The following FHIT variants were observed in gnomAD, a reference collection of about 807,000 sequenced individuals.
The protein encoded by FHIT is fragile histidine triad diadenosine triphosphatase, also known as bis(5'-adenosyl)-triphosphatase.
Under a neutral mutation model 17.9 loss-of-function variants are expected in FHIT, and 19 were observed. That is an observed-to-expected ratio of 1.06 (90% CI 0.74 to 1.56). The LOEUF (loss-of-function observed/expected upper bound fraction) is 1.56. Among genes scored for constraint, FHIT ranks in the 40% most tolerant of loss-of-function variants. The pLI, the probability that FHIT is intolerant of heterozygous loss-of-function variation, is 0.00. For synonymous variants in FHIT, 81 were observed against 69.7 expected, an observed-to-expected ratio of 1.16 and a Z score of -0.81; for missense variants, 248 against 189.2, an observed-to-expected ratio of 1.31 and a Z score of -1.82.
chr3:60,128,665 C>T (rs1214398332), intron 5 of FHIT, among the ~76,000 whole-genome samples: 1 of 152,200 alleles, frequency 6.6e-6, no homozygotes, highest in Non-Finnish European at 1.5e-5. Context: ...AATTACTCTG[C>T]AACCAACTGA....
In FHIT at chr3:60,009,724, C is replaced by A. The variant is rs188931855; in HGVS notation, c.279+1647G>T. ...TATTATATTCACAATGTTGCACAAC[C>A]ATCACCACTAAGTCCACAACGTTTT... On this transcript the variant is annotated intron_variant, in intron 7 of 9. Coordinates refer to ENST00000492590, the MANE Select transcript of FHIT (RefSeq NM_002012.4). Among the ~76,000 whole-genome samples, 347 of 152,242 alleles carry A rather than the reference C, an allele frequency of 2.3e-3. 1 individual carries two copies. Among genetic ancestry groups the A allele is most frequent in the Middle Eastern group, 6.8e-3 (2 of 294 alleles).
At chr3:59,870,867 G>GTGTGTC (rs1407718008) in intron 8 of FHIT, among the ~76,000 whole-genome samples, 7 of 97,728 alleles carry the variant, frequency 7.2e-5, no homozygotes, top group Non-Finnish European at 1.9e-4. Flanking sequence ...GTGTGTGTGT[G>GTGTGTC]TGTGTGCGTG....
At chr3:60,309,261 T>C (rs1708826776) in intron 5 of FHIT, among the ~76,000 whole-genome samples, 1 of 152,038 alleles carries the variant, frequency 6.6e-6, no homozygotes, top group Non-Finnish European at 1.5e-5. Context: ...ACCAAATACA[T>C]AAAGTGCTGT....
intron 5 of FHIT, among the ~76,000 whole-genome samples, chr3:60,274,465 T>A (rs1397967151): frequency 6.6e-6 from 1 of 152,136 alleles, no homozygotes; most frequent in African/African-American, 2.4e-5. Context: ...ATGGAATGAA[T>A]GATCCACACT....
At chr3:60,621,257 T>G (rs2682974) in intron 4 of FHIT, among the ~76,000 whole-genome samples, 125,536 of 150,806 alleles carry the variant, frequency 0.83, 52,693 homozygotes, top group Non-Finnish European at 0.88. Context: ...CAAGCAATTC[T>G]CCTACCTCAG....
intron 5 of FHIT, among the ~76,000 whole-genome samples, chr3:60,027,537 C>T (rs201658821): frequency 6.6e-6 from 1 of 151,934 alleles, no homozygotes; most frequent in African/African-American, 2.4e-5. Context: ...ATAACCACAG[C>T]TAAAATAAGT....
intron 4 of FHIT, among the ~76,000 whole-genome samples, chr3:60,629,226 CTT>C (rs1237369643): frequency 6.6e-6 from 1 of 152,128 alleles, no homozygotes; most frequent in Non-Finnish European, 1.5e-5. Context: ...AGCACCATCT[CTT>C]TGGCCACATC....
intron 3 of FHIT, among the ~76,000 whole-genome samples, chr3:60,937,076 G>A (rs1708223563): frequency 6.6e-6 from 1 of 152,190 alleles, no homozygotes; most frequent in Admixed American, 6.5e-5. Context: ...CAGGTTAGAT[G>A]TCTTGAAATA....
intron 2 of FHIT, among the ~76,000 whole-genome samples, chr3:61,070,875 G>A (rs1434263665): frequency 1.3e-5 from 2 of 152,078 alleles, no homozygotes; most frequent in Non-Finnish European, 2.9e-5. Flanking sequence ...TGAATTATTG[G>A]CATATTCAGA....
At chr3:61,103,677 G>T (rs1467613012) in intron 2 of FHIT, among the ~76,000 whole-genome samples, 1 of 152,088 alleles carries the variant, frequency 6.6e-6, no homozygotes, top group East Asian at 1.9e-4. Flanking sequence ...CAGTCTTATT[G>T]TGTGGGAGTC....
intron 5 of FHIT, among the ~76,000 whole-genome samples, chr3:60,042,260 A>G (rs1455832280): frequency 1.3e-5 from 2 of 152,234 alleles, no homozygotes; most frequent in Non-Finnish European, 2.9e-5. Context: ...AAGCATTTTG[A>G]ATGGAAAATG....
At chr3:60,753,797 C>T (rs1354045475) in intron 4 of FHIT, among the ~76,000 whole-genome samples, 1 of 152,166 alleles carries the variant, frequency 6.6e-6, no homozygotes, top group Non-Finnish European at 1.5e-5. Context: ...CTGCCTCTGA[C>T]ACATGATACA....
At chr3:60,554,559 T>C (rs1298441618) in intron 4 of FHIT, among the ~76,000 whole-genome samples, 1 of 152,200 alleles carries the variant, frequency 6.6e-6, no homozygotes, top group African/African-American at 2.4e-5. Flanking sequence ...GAATCAACTG[T>C]GATCTTTCAG....
At chr3:60,933,529 G>A (rs192857750) in intron 3 of FHIT, among the ~76,000 whole-genome samples, 3 of 152,324 alleles carry the variant, frequency 2.0e-5, no homozygotes, top group Admixed American at 6.5e-5. Flanking sequence ...CATGAGGATA[G>A]TGACTACCAG....
intron 5 of FHIT, among the ~76,000 whole-genome samples, chr3:60,527,399 T>C (rs868135142): frequency 7.2e-5 from 11 of 152,344 alleles, no homozygotes; most frequent in Admixed American, 2.0e-4. Flanking sequence ...CGTAAATCTC[T>C]TGAACTGAAA....
At chr3:60,611,070 TC>T (rs1553673367) in intron 4 of FHIT, among the ~76,000 whole-genome samples, 2 of 152,222 alleles carry the variant, frequency 1.3e-5, no homozygotes, top group African/African-American at 4.8e-5. Flanking sequence ...GTCCAGCTGT[TC>T]CTTTGGCTAC....
At chr3:60,150,608 C>T (rs1004849230) in intron 5 of FHIT, among the ~76,000 whole-genome samples, 7 of 152,156 alleles carry the variant, frequency 4.6e-5, no homozygotes, top group Non-Finnish European at 8.8e-5. Flanking sequence ...AGGTGTGCAC[C>T]TTAATTATTT....
At chr3:60,154,948 C>T (rs527398509) in intron 5 of FHIT, among the ~76,000 whole-genome samples, 27 of 151,984 alleles carry the variant, frequency 1.8e-4, no homozygotes, top group Admixed American at 3.9e-4. Context: ...ACCTGTAATC[C>T]GAGCATCTTG....
intron 5 of FHIT, among the ~76,000 whole-genome samples, chr3:60,025,658 A>G (rs1328491298): frequency 6.6e-6 from 1 of 152,058 alleles, no homozygotes; most frequent in Non-Finnish European, 1.5e-5. Flanking sequence ...ACACATAAAG[A>G]TGATTGTGTG....
Sources: allele counts gnomAD v4.1 joint callset (sites outside exome capture counted in the v4.1 genomes callset), GRCh38; gene constraint gnomAD v4.1.1; transcripts MANE v1.5; gene names NCBI Gene and HGNC (gene_info 2026-07-23, HGNC 2026-07-21).